Variants in ATRNL1 observed in about 807,000 individuals in gnomAD.
The protein encoded by ATRNL1 is attractin-like protein 1.
Under a neutral mutation model 182.7 loss-of-function variants are expected in ATRNL1, and 95 were observed. That is an observed-to-expected ratio of 0.52 (90% CI 0.44 to 0.62). ATRNL1 has a LOEUF of 0.62. ATRNL1 is among the 20% of genes least tolerant of loss of function. The pLI is 0.00. For synonymous variants in ATRNL1, 576 were observed against 568.3 expected, an observed-to-expected ratio of 1.01 and a Z score of -0.19; for missense variants, 1,471 against 1,679.5, an observed-to-expected ratio of 0.88 and a Z score of 2.17.
intron 21 of ATRNL1, among the ~76,000 whole-genome samples, chr10:115,450,252 A>G (rs1242226501): frequency 1.3e-5 from 2 of 152,194 alleles, no homozygotes; most frequent in Admixed American, 6.5e-5. Context: ...CACCAGTCTT[A>G]TTCAACATAG....
At chr10:115,211,268 T>C (rs1344565140) in intron 8 of ATRNL1, among the ~76,000 whole-genome samples, 15 of 151,710 alleles carry the variant, frequency 9.9e-5, no homozygotes, top group African/African-American at 3.4e-4. Context: ...AATTTAAGAA[T>C]TTTTTCCCTC....
intron 21 of ATRNL1, among the ~76,000 whole-genome samples, chr10:115,459,842 C>T (rs1565067009): frequency 1.3e-5 from 2 of 152,036 alleles, no homozygotes. Context: ...TGTGATGTCT[C>T]CCCCAGACAC....
intron 1 of ATRNL1, among the ~76,000 whole-genome samples, chr10:115,118,206 G>A (rs897299744): frequency 1.3e-5 from 2 of 151,936 alleles, no homozygotes; most frequent in East Asian, 3.9e-4. Context: ...TTAACTTGAT[G>A]TGATCCCATT....
chr10:115,514,252 T>C (rs992202671), intron 24 of ATRNL1, among the ~76,000 whole-genome samples: 11 of 152,124 alleles, frequency 7.2e-5, no homozygotes, highest in African/African-American at 2.2e-4. Context: ...CAAGAAGTGG[T>C]ATTTCAGCTT....
chr10:115,943,203 T>C (rs2134629186), intron 28 of ATRNL1, among the ~76,000 whole-genome samples: 1 of 152,346 alleles, frequency 6.6e-6, no homozygotes, highest in Middle Eastern at 3.4e-3. Context: ...CTTTTGTAAT[T>C]TTTAAAACAG....
intron 26 of ATRNL1, among the ~76,000 whole-genome samples, chr10:115,646,880 G>C (rs1859649602): frequency 6.6e-6 from 1 of 151,150 alleles, no homozygotes; most frequent in East Asian, 2.0e-4. Flanking sequence ...TGCCATGTTG[G>C]TGTGCTGCAC....
In ATRNL1 at chr10:115,153,504, T is replaced by C. The variant is rs533397171; in HGVS notation, c.830-6536T>C. 2.6e-5 allele frequency among the ~76,000 whole-genome samples: 4 copies of C among 152,322 alleles called. No homozygotes were observed. In the South Asian group the frequency reaches 8.3e-4, roughly 32 times the overall value. The stretch of plus-strand genomic sequence containing the variant: ...ATTTTCTAGTTTATTTGCGTAGAGA[T>C]GTTTATAGTATTTTCTGATGGTAGT... On this transcript the variant is annotated intron_variant, in intron 5 of 28. Transcript: ENST00000355044.
intron 15 of ATRNL1, among the ~76,000 whole-genome samples, chr10:115,297,967 C>T (rs1853289421): frequency 6.6e-6 from 1 of 151,914 alleles, no homozygotes; most frequent in African/African-American, 2.4e-5. Flanking sequence ...TGAACTTAGA[C>T]TTGATAAGTT....
At chr10:115,870,552 C>A (rs1320255940) in intron 28 of ATRNL1, among the ~76,000 whole-genome samples, 1 of 152,150 alleles carries the variant, frequency 6.6e-6, no homozygotes, top group Non-Finnish European at 1.5e-5. Flanking sequence ...AAGGACTAAC[C>A]CCTGAACTCC....
chr10:115,243,505 A>G (rs1554903418), intron 10 of ATRNL1, among the ~76,000 whole-genome samples: 1 of 152,084 alleles, frequency 6.6e-6, no homozygotes, highest in Non-Finnish European at 1.5e-5. Flanking sequence ...GATTAAACAG[A>G]TGAGAGTAAC....
At chr10:115,350,073 C>G (rs1554940793) in intron 19 of ATRNL1, among the ~76,000 whole-genome samples, 1 of 152,030 alleles carries the variant, frequency 6.6e-6, no homozygotes, top group African/African-American at 2.4e-5. Flanking sequence ...CACAATGGCT[C>G]ACGCCTGTAA....
At chr10:115,223,402 C>T (rs74601349) in intron 9 of ATRNL1, among the ~76,000 whole-genome samples, 2 of 152,028 alleles carry the variant, frequency 1.3e-5, no homozygotes, top group African/African-American at 4.8e-5. Context: ...AAAGATAAAC[C>T]TTAAATAAAA....
intron 26 of ATRNL1, among the ~76,000 whole-genome samples, chr10:115,656,942 G>C (rs998270658): frequency 6.6e-6 from 1 of 152,046 alleles, no homozygotes; most frequent in African/African-American, 2.4e-5. Flanking sequence ...TTGTTTCAAT[G>C]TTTAATATTA....
intron 19 of ATRNL1, among the ~76,000 whole-genome samples, chr10:115,369,195 T>G (rs1554947186): frequency 6.6e-6 from 1 of 150,764 alleles, no homozygotes; most frequent in Non-Finnish European, 1.5e-5. Flanking sequence ...ATATTATAAA[T>G]ACTATGTATA....
chr10:115,432,378 A>G (rs1360508715), intron 21 of ATRNL1, among the ~76,000 whole-genome samples: 13 of 152,106 alleles, frequency 8.5e-5, no homozygotes, highest in Admixed American at 7.9e-4. Flanking sequence ...AAATATCAGA[A>G]GCATAATGGT....
At chr10:115,505,548 T>C (rs1554981090) in intron 24 of ATRNL1, among the ~76,000 whole-genome samples, 1 of 152,076 alleles carries the variant, frequency 6.6e-6, no homozygotes, top group South Asian at 2.1e-4. Context: ...GGGAGCTAGG[T>C]ACCTTCTTTG....
At position 115,566,193 on chromosome 10, in the gene ATRNL1, C is replaced by T. The variant is rs190697247; in HGVS notation, c.3795+16657C>T. On this transcript the variant is annotated intron_variant, in intron 26 of 28. Coordinates refer to ENST00000355044, the MANE Select transcript of ATRNL1 (RefSeq NM_207303.4). Reference sequence around the variant, plus strand: ...TAGGCAGTCCTTCTACCTCAGCTTCCCAAATTGTTGGGATTACAGGTGTGA... The same window carrying T: ...TAGGCAGTCCTTCTACCTCAGCTTCTCAAATTGTTGGGATTACAGGTGTGA... Among the ~76,000 whole-genome samples the T allele has an allele frequency of 5.4e-4, 82 of 152,060 alleles. 2 individuals are homozygous for T. The East Asian group carries it at 0.014, about 26-fold the overall frequency.
chr10:115,656,713 G>A (rs1180165617), intron 26 of ATRNL1, among the ~76,000 whole-genome samples: 8 of 152,154 alleles, frequency 5.3e-5, no homozygotes, highest in Non-Finnish European at 8.8e-5. Flanking sequence ...AAATGATGTG[G>A]TAGGAGAGTG....
chr10:115,645,711 G>A (rs1859566359), intron 26 of ATRNL1, among the ~76,000 whole-genome samples: 1 of 151,886 alleles, frequency 6.6e-6, no homozygotes, highest in South Asian at 2.1e-4. Flanking sequence ...AACATACTCT[G>A]AATGTTTACT....
Sources: gnomAD v4.1 joint callset for allele counts (sites outside exome capture counted in the v4.1 genomes callset) on GRCh38, gnomAD v4.1.1 for gene constraint, MANE v1.5 for transcripts, NCBI Gene and HGNC (gene_info 2026-07-23, HGNC 2026-07-21) for gene names.